Variants in DLG1 observed in about 807,000 individuals in gnomAD.
DLG1 encodes disks large homolog 1.
In DLG1, 42 loss-of-function variants were observed where a neutral mutation model predicts 123.4. The ratio of observed to expected loss-of-function variants is 0.34; its 90% CI spans 0.27 to 0.44. DLG1 has a LOEUF of 0.44. Ranked by LOEUF, DLG1 falls within the 20% of genes least tolerant of loss-of-function variation. The probability of loss-of-function intolerance (pLI) is 1.00; values close to 1 mark genes in which losing one functional copy is unlikely to be tolerated. For synonymous variants in DLG1, 317 were observed against 356.2 expected (o/e 0.89, Z 1.24); for missense variants, 942 against 1,082.6 (o/e 0.87, Z 1.82).
At chr3:197,187,628 C>G (rs1716860969) in intron 5 of DLG1, among the ~76,000 whole-genome samples, 1 of 152,134 alleles carries the variant, frequency 6.6e-6, no homozygotes. Context: ...CTTCAATGAT[C>G]ACTGCATCCT....
chr3:197,122,544 T>G lies in DLG1; in HGVS notation c.1166-3014A>C, dbSNP rs568350408. ...TTCACAGATGACATGGTTATATACG[T>G]AGACGATCTGAAAGACCTATAAAAC... On this transcript the variant is annotated intron_variant, in intron 11 of 24. Coordinates refer to ENST00000667157, the MANE Select transcript of DLG1 (RefSeq NM_001366207.1). Among the ~76,000 whole-genome samples the G allele has an allele frequency of 1.3e-4, 20 of 152,216 alleles. No homozygotes were observed. In the South Asian group the frequency reaches 2.1e-3, roughly 16 times the overall value.
intron 4 of DLG1, among the ~76,000 whole-genome samples, chr3:197,258,782 G>C (rs1758031384): frequency 6.6e-6 from 1 of 152,104 alleles, no homozygotes; most frequent in South Asian, 2.1e-4. Flanking sequence ...AGAGCCATTG[G>C]TTAAATATGT....
chr3:197,205,322 TA>T lies in DLG1; in HGVS notation c.319-10734del, dbSNP rs374660344. 5.4e-3 allele frequency among the ~76,000 whole-genome samples: 819 copies of T among 151,294 alleles called. 7 individuals are homozygous for T. The highest frequency in any genetic ancestry group is 0.019 in the African/African-American group (785 of 41,252). On this transcript the variant is annotated intron_variant, in intron 4 of 24. Transcript: ENST00000667157. ...ATAATCATGAGAAAGGACAACATTC[TA>T]AAAAAAAATTCCTCAGAAATGACAA...
intron 3 of DLG1, among the ~76,000 whole-genome samples, chr3:197,290,758 C>T (rs1774428720): frequency 6.6e-6 from 1 of 151,834 alleles, no homozygotes; most frequent in African/African-American, 2.4e-5. Context: ...GTTAGCCAGG[C>T]GTGGGGGCTC....
rs1211053260 is a variant in DLG1, at chr3:197,296,365, G to A, written c.132C>T (p.Asn44=). The change falls in exon 3 of 25, where the codon AAC becomes AAT. Residue 44 remains asparagine (N), a synonymous_variant. Coordinates refer to ENST00000667157, the MANE Select transcript of DLG1 (RefSeq NM_001366207.1). The stretch of plus-strand genomic sequence containing the variant: ...TCCCACCTATTAAAGCCTGAAAGAG[G>A]TTGCTCTGAAATATGTTAATAACCC... The part of the protein sequence containing the change: ...IERVINIFQS[N]LFQALIDIQE... 1.2e-6 allele frequency: 2 copies of A among 1,613,528 alleles called. No individual in the cohort carries two copies. The highest frequency in any genetic ancestry group is 1.7e-6 in the Non-Finnish European group (2 of 1,179,612).
intron 4 of DLG1, 55 bp from the exon 5 acceptor site, chr3:197,194,644 A>G: frequency 2.2e-6 from 3 of 1,355,834 alleles, no homozygotes; most frequent in Non-Finnish European, 3.0e-6. Flanking sequence ...GTTTAATTCA[A>G]ATCATGGTTT....
intron 15 of DLG1, among the ~76,000 whole-genome samples, chr3:197,086,726 G>A (rs1578862132): frequency 1.3e-5 from 2 of 152,108 alleles, no homozygotes; most frequent in Admixed American, 6.5e-5. Context: ...AGGGGGGATC[G>A]TTAAGCAGGA....
At chr3:197,276,784 T>C (rs910238061) in intron 4 of DLG1, among the ~76,000 whole-genome samples, 2 of 152,188 alleles carry the variant, frequency 1.3e-5, no homozygotes, top group African/African-American at 4.8e-5. Flanking sequence ...AGAAATTCTA[T>C]AAAGTCAGCA....
chr3:197,195,515 G>A (rs1020509576), intron 4 of DLG1, among the ~76,000 whole-genome samples: 22 of 151,932 alleles, frequency 1.4e-4, no homozygotes, highest in African/African-American at 5.1e-4. Context: ...AAGAAAATGT[G>A]GTACATATAC....
At chr3:197,061,401 C>T (rs912955972) in intron 22 of DLG1, among the ~76,000 whole-genome samples, 6 of 152,128 alleles carry the variant, frequency 3.9e-5, no homozygotes, top group Admixed American at 6.5e-5. Flanking sequence ...TCCTTCACCT[C>T]GTATTTCTTA....
chr3:197,298,452 G>C, intron 1 of DLG1, 84 bp downstream of exon 1: 1 of 398,712 alleles, frequency 2.5e-6, no homozygotes, highest in African/African-American at 2.1e-5. Context: ...CCGCAGTTCC[G>C]AACTAAACGC....
At chr3:197,163,559 G>A (rs1371681888) in intron 5 of DLG1, among the ~76,000 whole-genome samples, 1 of 149,258 alleles carries the variant, frequency 6.7e-6, no homozygotes, top group Non-Finnish European at 1.5e-5. Context: ...GTCTCGCTCT[G>A]TTGCCCAGGC....
intron 11 of DLG1, among the ~76,000 whole-genome samples, chr3:197,127,971 G>A (rs1202661435): frequency 6.6e-6 from 1 of 152,138 alleles, no homozygotes; most frequent in African/African-American, 2.4e-5. Flanking sequence ...TGTTTTTGCT[G>A]GTGGAGCATC....
chr3:197,194,381 A>C, intron 5 of DLG1, 44 bp downstream of exon 5: 6 of 1,330,818 alleles, frequency 4.5e-6, no homozygotes, highest in Non-Finnish European at 6.0e-6. Flanking sequence ...GTATAACAAA[A>C]GTAATATGTA....
chr3:197,080,977 T>G (rs1285176005), intron 17 of DLG1, 74 bp downstream of exon 17: 1 of 1,375,882 alleles, frequency 7.3e-7, no homozygotes, highest in Non-Finnish European at 1.0e-6. Flanking sequence ...ATAATTCTGA[T>G]AGCAAAATCC....
chr3:197,059,991 T>G lies in DLG1; in HGVS notation c.2381A>C (p.His794Pro). Reference protein sequence around the residue: ...SVREVAEKGKHCILDVSGNAI... With the variant: ...SVREVAEKGKPCILDVSGNAI... ...ATTTCCAGACACATCAAGGATACAG[T>G]GTTTGCCCTAAAATAAAGGGAACAA... is the stretch of plus-strand genomic sequence containing the variant. Residue 794 changes from histidine (H) to proline (P), a missense_variant, in exon 23 of 25, where the codon CAC becomes CCC. Coordinates refer to ENST00000667157, the MANE Select transcript of DLG1 (RefSeq NM_001366207.1). 6.2e-7 allele frequency: 1 copy of G among 1,611,098 alleles called. No individual in the cohort carries two copies.
At chr3:197,213,855 G>C (rs1162941963) in intron 4 of DLG1, among the ~76,000 whole-genome samples, 2 of 152,148 alleles carry the variant, frequency 1.3e-5, no homozygotes, top group Admixed American at 6.5e-5. Context: ...CAGAGTATGT[G>C]GCAGGGTACT....
rs142651596 is a variant in DLG1, at chr3:197,231,853, C to T, written c.319-37264G>A. Among the ~76,000 whole-genome samples the T allele has an allele frequency of 8.5e-3, 1,289 of 152,184 alleles. 18 individuals are homozygous for T. Among genetic ancestry groups the T allele is most frequent in the African/African-American group, 0.029 (1,221 of 41,520 alleles). On this transcript the variant is annotated intron_variant, in intron 4 of 24. Coordinates refer to ENST00000667157, the MANE Select transcript of DLG1 (RefSeq NM_001366207.1). ...TCTTGATCAAACTGCACTACCTTGA[C>T]TGATTTCAATTAACCACAGAATTTC... is the stretch of plus-strand genomic sequence containing the variant.
chr3:197,110,524 AT>A (rs750252718), intron 13 of DLG1, among the ~76,000 whole-genome samples: 96 of 152,082 alleles, frequency 6.3e-4, no homozygotes, highest in Non-Finnish European at 9.3e-4. Flanking sequence ...ATATCCATTG[AT>A]TGCGTTTTTC....
Sources: allele counts gnomAD v4.1 joint callset (sites outside exome capture counted in the v4.1 genomes callset), GRCh38; gene constraint gnomAD v4.1.1; transcripts MANE v1.5; gene names NCBI Gene and HGNC (gene_info 2026-07-23, HGNC 2026-07-21).